Variants in DAG1 observed in about 807,000 individuals in gnomAD.
DAG1 encodes the protein dystroglycan 1 (dystrophin-associated glycoprotein 1).
In DAG1, 8 loss-of-function variants were observed where a neutral mutation model predicts 46.1. That is an observed-to-expected ratio of 0.17 (90% CI 0.10 to 0.31). The LOEUF is 0.31. Among genes scored for constraint, DAG1 ranks in the 10% least tolerant of loss-of-function variants. The pLI is 1.00. For missense variants in DAG1, 1,003 were observed against 1,189.9 expected, an observed-to-expected ratio of 0.84 and a Z score of 2.31; for synonymous variants, 495 against 481.8, an observed-to-expected ratio of 1.03 and a Z score of -0.36.
intron 1 of DAG1, among the ~76,000 whole-genome samples, chr3:49,502,072 G>A (rs2050468037): frequency 1.3e-5 from 2 of 152,292 alleles, no homozygotes; most frequent in Admixed American, 1.3e-4. Context: ...TACTTGAGAG[G>A]CTGATAGGAG....
chr3:49,476,323 C>T (rs1038646889), intron 1 of DAG1, among the ~76,000 whole-genome samples: 4 of 152,180 alleles, frequency 2.6e-5, no homozygotes, highest in Non-Finnish European at 5.9e-5. Context: ...GGCGCAGTGG[C>T]TCACACCTGT....
chr3:49,496,072 C>T (rs746408690), intron 1 of DAG1, among the ~76,000 whole-genome samples: 5 of 152,182 alleles, frequency 3.3e-5, no homozygotes, highest in South Asian at 2.1e-4. Flanking sequence ...CATGTCATCA[C>T]GGGGATATGC....
intron 1 of DAG1, among the ~76,000 whole-genome samples, chr3:49,508,376 A>G (rs2050667437): frequency 6.7e-6 from 1 of 149,226 alleles, no homozygotes; most frequent in Non-Finnish European, 1.5e-5. Flanking sequence ...TAATTTTTGT[A>G]TTTGTATTTG....
rs373409379 is a variant in DAG1 at position 49,500,652 on chromosome 3, C to G, written c.-116-9767C>G. Among the ~76,000 whole-genome samples, 33 of 152,314 alleles carry G rather than the reference C, an allele frequency of 2.2e-4. No homozygotes were observed. In the East Asian group the frequency reaches 4.6e-3, roughly 21 times the overall value. On this transcript the variant is annotated intron_variant, in intron 1 of 2. Coordinates refer to ENST00000308775, the MANE Select transcript of DAG1 (RefSeq NM_004393.6). ...GGCTGCCTTGAGCACTTCCTACTCT[C>G]TTTTAGAGGATATAATGTGAATGAG...
chr3:49,527,619 C>G lies in DAG1; in HGVS notation c.286-3178C>G, dbSNP rs1377432706. Among the ~76,000 whole-genome samples the G allele has an allele frequency of 3.9e-5, 6 of 151,918 alleles. No individual in the cohort carries two copies. In the East Asian group the frequency reaches 9.7e-4, roughly 25 times the overall value. On this transcript the variant is annotated intron_variant, in intron 2 of 2. Coordinates refer to ENST00000308775, the MANE Select transcript of DAG1 (RefSeq NM_004393.6). ...TTGGGAGGCTGAGGCAGGAGAATGG[C>G]GTGATCCCGGGAGGCGGAGCTTGCA...
chr3:49,515,660 A>G (rs932580862), intron 2 of DAG1, among the ~76,000 whole-genome samples: 1 of 152,108 alleles, frequency 6.6e-6, no homozygotes, highest in African/African-American at 2.4e-5. Context: ...TGCTAGGATT[A>G]CAGACATGAG....
At chr3:49,523,868 CA>C (rs1205797432) in intron 2 of DAG1, among the ~76,000 whole-genome samples, 1 of 152,146 alleles carries the variant, frequency 6.6e-6, no homozygotes, top group Non-Finnish European at 1.5e-5. Flanking sequence ...AAGGTTGGGT[CA>C]AGCGCCAGCC....
chr3:49,479,083 A>G (rs1268687164), intron 1 of DAG1, among the ~76,000 whole-genome samples: 2 of 151,928 alleles, frequency 1.3e-5, no homozygotes, highest in Non-Finnish European at 2.9e-5. Flanking sequence ...CTGGGATTAC[A>G]GGCGTGAGGC....
chr3:49,527,536 C>A (rs1038601047), intron 2 of DAG1, among the ~76,000 whole-genome samples: 7 of 145,824 alleles, frequency 4.8e-5, no homozygotes, highest in African/African-American at 1.3e-4. Flanking sequence ...AAAAAAAAAA[C>A]CAACAAAACA....
intron 1 of DAG1, among the ~76,000 whole-genome samples, chr3:49,471,224 A>G (rs1467312730): frequency 2.6e-5 from 4 of 152,302 alleles, no homozygotes; most frequent in East Asian, 1.9e-4. Context: ...CGCAGAGTCT[A>G]ACTTAAGATT....
At chr3:49,525,152 A>G (rs1443912917) in intron 2 of DAG1, among the ~76,000 whole-genome samples, 2 of 152,034 alleles carry the variant, frequency 1.3e-5, no homozygotes, top group Admixed American at 6.6e-5. Flanking sequence ...GTTTTAGAAC[A>G]TTCAGGTTAG....
chr3:49,506,953 A>C (rs1001056820), intron 1 of DAG1, among the ~76,000 whole-genome samples: 1 of 151,976 alleles, frequency 6.6e-6, no homozygotes. Context: ...TTTCTAAAAA[A>C]GAAAAATGAA....
chr3:49,470,677 G>A (rs1159134139), intron 1 of DAG1: 3 of 152,222 alleles, frequency 2.0e-5, no homozygotes, highest in Admixed American at 6.5e-5. Context: ...GCGCCGCGGC[G>A]ATGGGCCAGG....
chr3:49,516,012 C>G (rs1685776290), intron 2 of DAG1, among the ~76,000 whole-genome samples: 1 of 152,164 alleles, frequency 6.6e-6, no homozygotes. Flanking sequence ...CCCAGCCACA[C>G]TGGTCCTTTT....
intron 2 of DAG1, among the ~76,000 whole-genome samples, chr3:49,528,078 A>G (rs963054290): frequency 2.0e-5 from 3 of 151,850 alleles, no homozygotes; most frequent in African/African-American, 7.3e-5. Flanking sequence ...CCCTACTTCT[A>G]TCCCACTCCT....
At chr3:49,527,852 C>G (rs2051226666) in intron 2 of DAG1, among the ~76,000 whole-genome samples, 1 of 152,192 alleles carries the variant, frequency 6.6e-6, no homozygotes, top group Non-Finnish European at 1.5e-5. Flanking sequence ...CCCTCTCAAC[C>G]TTGTTCAGTC....
At position 49,532,330 on chromosome 3, in the gene DAG1, A is replaced by T; in HGVS notation, c.1819A>T (p.Arg607Trp). ...CCCCCAAGGGGATAGGGCTCCTGCAAGGTTCAAGGCCAAGTTTGTGGGTGA... is the reference window on the plus strand; with the variant it reads ...CCCCCAAGGGGATAGGGCTCCTGCATGGTTCAAGGCCAAGTTTGTGGGTGA... ...RRPQGDRAPA[R>W]FKAKFVGDPA... The change falls in exon 3 of 3, where the codon AGG becomes TGG. Residue 607 changes from arginine (R) to tryptophan (W), a missense_variant. Physicochemically the swap from Arg to Trp is moderately radical, Grantham distance 101. Around this residue, in one of 3 missense-constraint regions of DAG1, gnomAD observed 755 missense variants for 854.1 expected, o/e 0.88. Coordinates refer to ENST00000308775, the MANE Select transcript of DAG1 (RefSeq NM_004393.6). This position sits in a 1 kb window ranked among gnomAD's most constrained non-coding sequence, Gnocchi z 5.4. The T allele has an allele frequency of 6.2e-7, 1 of 1,614,156 alleles. No homozygotes were observed. Among genetic ancestry groups the T allele is most frequent in the Non-Finnish European group, 8.5e-7 (1 of 1,180,024 alleles).
chr3:49,484,327 C>T (rs753779894), intron 1 of DAG1, among the ~76,000 whole-genome samples: 2 of 151,988 alleles, frequency 1.3e-5, no homozygotes, highest in African/African-American at 2.4e-5. Flanking sequence ...GTTGGTTCTT[C>T]TGCTTGTAGT....
chr3:49,509,434 G>T (rs1188106569), intron 1 of DAG1, among the ~76,000 whole-genome samples: 1 of 152,150 alleles, frequency 6.6e-6, no homozygotes. Context: ...CCTACCCCTA[G>T]AAAGATACAC....
Sources: gnomAD v4.1 joint callset for allele counts (sites outside exome capture counted in the v4.1 genomes callset) on GRCh38, gnomAD v4.1.1 for gene constraint, gnomAD v4.1.1 regional missense constraint, Gnocchi (gnomAD v3.1) non-coding constraint, MANE v1.5 for transcripts, NCBI Gene and HGNC (gene_info 2026-07-23, HGNC 2026-07-21) for gene names.